Variants in TASP1 observed in about 807,000 individuals in gnomAD.
TASP1 encodes threonine aspartase 1.
A neutral mutation model predicts 56.6 loss-of-function variants in TASP1; 16 were observed. The ratio of observed to expected loss-of-function variants is 0.28; its 90% CI spans 0.19 to 0.43. The LOEUF (loss-of-function observed/expected upper bound fraction) is 0.43, where lower values mean the gene tolerates loss of function less well. TASP1 is among the 20% of genes least tolerant of loss of function. The probability of loss-of-function intolerance (pLI) is 1.00; values close to 1 mark genes in which losing one functional copy is unlikely to be tolerated. For synonymous variants in TASP1, 179 were observed against 184.2 expected (o/e 0.97, Z 0.23); for missense variants, 393 against 511.6 (o/e 0.77, Z 2.24).
At chr20:13,210,847 T>G in the TASP1 span, among the ~76,000 whole-genome samples, 1 of 152,042 alleles carries the variant, frequency 6.6e-6, no homozygotes, top group African/African-American at 2.4e-5. Flanking sequence ...CAAACCACAT[T>G]TTTGTAATGC....
At chr20:13,349,339 C>T in the TASP1 span, among the ~76,000 whole-genome samples, 1 of 152,146 alleles carries the variant, frequency 6.6e-6, no homozygotes, top group Non-Finnish European at 1.5e-5. Context: ...ATAATTTCTT[C>T]AAGGGAGATC....
chr20:13,446,819 C>T (rs1220425739), intron 11 of TASP1, among the ~76,000 whole-genome samples: 2 of 152,100 alleles, frequency 1.3e-5, no homozygotes, highest in Non-Finnish European at 2.9e-5. Flanking sequence ...TTTTTAAATT[C>T]AACAATATAA....
At chr20:13,416,616 T>C (rs1358087482) in intron 13 of TASP1, among the ~76,000 whole-genome samples, 2 of 152,228 alleles carry the variant, frequency 1.3e-5, no homozygotes, top group Non-Finnish European at 2.9e-5. Context: ...CTATTTTATA[T>C]GTCAAAATGT....
intron 4 of TASP1, among the ~76,000 whole-genome samples, chr20:13,622,718 T>C (rs1416977210): frequency 6.6e-6 from 1 of 152,176 alleles, no homozygotes; most frequent in Non-Finnish European, 1.5e-5. Flanking sequence ...TTTGTCATCA[T>C]GTCTTACTTG....
intron 1 of TASP1, among the ~76,000 whole-genome samples, chr20:13,634,857 C>T (rs1305262554): frequency 5.3e-5 from 8 of 151,658 alleles, no homozygotes; most frequent in South Asian, 2.1e-4. Context: ...GGAGAAACCC[C>T]GTCTCTACTA....
At chr20:13,117,709 A>G in the TASP1 span, 1 of 1,611,592 alleles carries the variant, frequency 6.2e-7, no homozygotes, top group Middle Eastern at 1.8e-4. Flanking sequence ...TCAGGAGGTT[A>G]CATAGCTGGA....
the TASP1 span, among the ~76,000 whole-genome samples, chr20:13,134,092 G>A: frequency 1.8e-4 from 28 of 152,154 alleles, no homozygotes; most frequent in Non-Finnish European, 2.6e-4. Context: ...AAACTGTCAC[G>A]GTCAGGTGTA....
the TASP1 span, among the ~76,000 whole-genome samples, chr20:13,108,798 C>G: frequency 6.6e-6 from 1 of 152,094 alleles, no homozygotes; most frequent in Admixed American, 6.6e-5. Flanking sequence ...AACTCCTGAC[C>G]TCAAAGATTT....
intron 10 of TASP1, among the ~76,000 whole-genome samples, chr20:13,484,733 C>CA (rs34720600): frequency 0.021 from 1,662 of 81,024 alleles, 20 homozygotes; most frequent in East Asian, 0.043. Context: ...CAAGATTTCT[C>CA]AAAAAAAAAA....
the TASP1 span, among the ~76,000 whole-genome samples, chr20:13,127,050 C>T: frequency 6.6e-6 from 1 of 152,208 alleles, no homozygotes; most frequent in Non-Finnish European, 1.5e-5. Flanking sequence ...GGGGCTGTCA[C>T]TTGTGTTTCC....
intron 10 of TASP1, among the ~76,000 whole-genome samples, chr20:13,526,661 G>A (rs1409535912): frequency 6.6e-6 from 1 of 152,152 alleles, no homozygotes; most frequent in Non-Finnish European, 1.5e-5. Flanking sequence ...TCAAAACCAT[G>A]TTTTTCCACT....
the TASP1 span, among the ~76,000 whole-genome samples, chr20:13,335,336 A>G: frequency 1.0e-4 from 15 of 148,228 alleles, no homozygotes; most frequent in Non-Finnish European, 1.8e-4. Flanking sequence ...ACACACACAC[A>G]CACACACACA....
the TASP1 span, chr20:13,368,378 A>G: frequency 6.6e-6 from 1 of 152,258 alleles, no homozygotes; most frequent in Non-Finnish European, 1.5e-5. Context: ...AAAAAAGAAT[A>G]CAGGGATTAC....
the TASP1 span, among the ~76,000 whole-genome samples, chr20:13,196,288 C>T: frequency 1.1e-4 from 17 of 152,058 alleles, no homozygotes; most frequent in African/African-American, 3.4e-4. Context: ...GCCTATTATG[C>T]GAGTATTTTA....
At chr20:13,393,876 CAA>C (rs1005864282) in intron 13 of TASP1, among the ~76,000 whole-genome samples, 1 of 139,804 alleles carries the variant, frequency 7.2e-6, no homozygotes. Flanking sequence ...TGCGCTCAGC[CAA>C]AAAAAAAAAG....
At chr20:13,220,372 A>C in the TASP1 span, among the ~76,000 whole-genome samples, 3 of 152,090 alleles carry the variant, frequency 2.0e-5, no homozygotes, top group Non-Finnish European at 2.9e-5. Context: ...CCATTCGCCA[A>C]CCGCCCACTG....
intron 12 of TASP1, among the ~76,000 whole-genome samples, chr20:13,425,647 A>C (rs1000576425): frequency 6.6e-6 from 1 of 152,156 alleles, no homozygotes; most frequent in Non-Finnish European, 1.5e-5. Flanking sequence ...GTCAAATGGC[A>C]CGCCCTGGGA....
chr20:13,300,933 C>CT, the TASP1 span, among the ~76,000 whole-genome samples: 1 of 152,190 alleles, frequency 6.6e-6, no homozygotes, highest in Admixed American at 6.5e-5. Flanking sequence ...ATGAGCAGGG[C>CT]CACTTCCACA....
intron 10 of TASP1, among the ~76,000 whole-genome samples, chr20:13,509,039 A>G (rs759205053): frequency 1.3e-5 from 2 of 152,068 alleles, no homozygotes; most frequent in Non-Finnish European, 2.9e-5. Flanking sequence ...ATTGCACTCC[A>G]ATGTTCCCTG....
Sources: gnomAD v4.1 joint callset for allele counts (sites outside exome capture counted in the v4.1 genomes callset) on GRCh38, gnomAD v4.1.1 for gene constraint, MANE v1.5 for transcripts, NCBI Gene and HGNC (gene_info 2026-07-23, HGNC 2026-07-21) for gene names.